Variants in CUBN observed in about 807,000 individuals in gnomAD.
The protein encoded by CUBN is cubilin.
In CUBN, 282 loss-of-function variants were observed where a neutral mutation model predicts 405.3. The ratio of observed to expected loss-of-function variants is 0.70; its 90% CI spans 0.63 to 0.77. The LOEUF (loss-of-function observed/expected upper bound fraction) is 0.77. Among genes scored for constraint, CUBN ranks in the 30% least tolerant of loss-of-function variants. The pLI is 0.00. For missense variants in CUBN, 4,514 were observed against 4,475.2 expected, an observed-to-expected ratio of 1.01 and a Z score of -0.25; for synonymous variants, 1,684 against 1,617.0, an observed-to-expected ratio of 1.04 and a Z score of -0.99.
At chr10:17,010,485 A>AT (rs1260954960) in intron 28 of CUBN, among the ~76,000 whole-genome samples, 1 of 151,806 alleles carries the variant, frequency 6.6e-6, no homozygotes, top group Non-Finnish European at 1.5e-5. Context: ...TACTAAAAAA[A>AT]AAAAAATGCC....
chr10:16,828,676 C>G lies in CUBN; in HGVS notation c.10764+129G>C, dbSNP rs112783364. 9.6e-3 allele frequency: 7,125 copies of G among 745,958 alleles called. 327 individuals are homozygous for G. In the African/African-American group the frequency reaches 0.11, roughly 11 times the overall value. The allele number at this position is 745,958 out of a possible 1,614,324, so 46.2% of individuals were successfully genotyped here. A position where few individuals can be genotyped will look rare whatever the true frequency, so the allele number is the denominator to read the frequency against. The stretch of plus-strand genomic sequence containing the variant: ...GAGGTTGCAGTGAGTTGAGATTGCG[C>G]GCACCACTGCACTCCAGCCTGGGTG... On this transcript the variant is annotated intron_variant, in intron 66 of 66. Transcript: ENST00000377833.
intron 27 of CUBN, among the ~76,000 whole-genome samples, chr10:17,034,949 A>G (rs963784724): frequency 6.6e-6 from 1 of 152,136 alleles, no homozygotes; most frequent in Non-Finnish European, 1.5e-5. Flanking sequence ...GTGGTTGTTA[A>G]TATGGAAGTC....
In CUBN at chr10:16,828,976, G is replaced by T; in HGVS notation, c.10593C>A (p.Tyr3531Ter). Residue 3531 changes from tyrosine to a stop codon, truncating the protein, a stop_gained, in exon 66 of 67, where the codon TAC (tyrosine) becomes TAA (stop). Transcript: ENST00000377833. LOFTEE classifies it high-confidence loss of function. ...CCCACTCGCAGTACGTGTTGTTTGG[G>T]TATGTGCCTGGATAGCCGGGGCTGG... is the stretch of plus-strand genomic sequence containing the variant. Reference protein sequence around the residue: ...SFTSPGYPGTYPNNTYCEWVL... With the variant: ...SFTSPGYPGT 1 of 1,614,144 alleles carries T rather than the reference G, an allele frequency of 6.2e-7. No homozygotes were observed. The highest frequency in any genetic ancestry group is 8.5e-7 in the Non-Finnish European group (1 of 1,180,028).
chr10:17,068,286 G>A lies in CUBN; in HGVS notation c.2792-6C>T, dbSNP rs185269080. 1.9e-6 allele frequency: 3 copies of A among 1,613,116 alleles called. No individual in the cohort carries two copies. The highest frequency in any genetic ancestry group is 2.5e-6 in the Non-Finnish European group (3 of 1,179,316). ...TGTAAGAATTTCTCCACATGCTGTT[G>A]AAATAAAAATTATAATTACTGCAGC... On this transcript the variant is annotated splice_polypyrimidine_tract_variant and splice_region_variant and intron_variant, in intron 20 of 66. Transcript: ENST00000377833.
At chr10:17,045,417 C>A (rs1017333466) in intron 24 of CUBN, among the ~76,000 whole-genome samples, 1 of 147,562 alleles carries the variant, frequency 6.8e-6, no homozygotes, top group Non-Finnish European at 1.5e-5. Context: ...TGGAATGCAA[C>A]GGCATGATCT....
At chr10:16,848,690 C>CTTTTTTTTTTTTTTTTTTTTTTT (rs10562297) in intron 60 of CUBN, among the ~76,000 whole-genome samples, 1 of 53,338 alleles carries the variant, frequency 1.9e-5, no homozygotes, top group African/African-American at 5.9e-5. Flanking sequence ...CTCTCCCAGC[C>CTTTTTTTTTTTTTTTTTTTTTTT]TTTTTTTTTT....
At position 16,840,392 on chromosome 10, in the gene CUBN, C is replaced by A. The variant is rs774965250; in HGVS notation, c.9970G>T (p.Ala3324Ser). 6.2e-7 allele frequency: 1 copy of A among 1,613,970 alleles called. No individual in the cohort carries two copies. The highest frequency in any genetic ancestry group is 8.5e-7 in the Non-Finnish European group (1 of 1,180,014). ...CAGTCTTGCGAGGTCAGCTGTAATG[C>A]CCACACAGTTATCTTGACCTGCTGA... ...PHQQVKITVW[A>S]LQLTSQDCTQ... The change falls in exon 62 of 67, where the codon GCA (alanine) becomes TCA (serine). Residue 3324 changes from alanine (A) to serine (S), a missense_variant. Physicochemically the swap from Ala to Ser is moderately conservative, Grantham distance 99. This residue lies in a region of CUBN where 1,186 missense variants were observed against 1,186.9 expected (regional missense o/e 1.00). Coordinates refer to ENST00000377833, the MANE Select transcript of CUBN (RefSeq NM_001081.4).
chr10:16,898,454 T>C (rs1031261472), intron 54 of CUBN, among the ~76,000 whole-genome samples: 3 of 152,132 alleles, frequency 2.0e-5, no homozygotes, highest in Non-Finnish European at 4.4e-5. Context: ...AGGCACTCTT[T>C]CTCTAAAAGT....
At chr10:16,995,579 C>A (rs2131727625) in intron 28 of CUBN, among the ~76,000 whole-genome samples, 1 of 152,184 alleles carries the variant, frequency 6.6e-6, no homozygotes, top group East Asian at 1.9e-4. Flanking sequence ...AGTGATCCAC[C>A]TTTCCCTCCC....
At chr10:16,928,073 A>T in intron 41 of CUBN, 84 bp downstream of exon 41, 1 of 1,511,406 alleles carries the variant, frequency 6.6e-7, no homozygotes, top group Non-Finnish European at 9.1e-7. Flanking sequence ...GGTGCCCAAA[A>T]ACATTATATT....
Position 17,085,692 on chromosome 10 carries a change from G to C in CUBN, c.2015C>G (p.Pro672Arg), listed in dbSNP as rs776433038. Residue 672 changes from proline to arginine, a missense_variant, in exon 16 of 67, where the codon CCG (proline) becomes CGG (arginine). Around this residue, in one of 5 missense-constraint regions of CUBN, gnomAD observed 1,448 missense variants for 1,388.0 expected, o/e 1.04. Coordinates refer to ENST00000377833, the MANE Select transcript of CUBN (RefSeq NM_001081.4). The stretch of plus-strand genomic sequence containing the variant: ...GGCAAAGGGGCCAGTAGTCTGGAGC[G>C]GTGGGACAGAGAAAGTGGTGCAGAA... ...GKFCTTFSVP[P>R]LQTTGPFARI... is the part of the protein sequence containing the mutation. 6.2e-7 allele frequency: 1 copy of C among 1,613,914 alleles called. No individual in the cohort carries two copies. Among genetic ancestry groups the C allele is most frequent in the Admixed American group, 1.7e-5 (1 of 60,016 alleles).
chr10:16,871,139 T>G (rs529871377), intron 58 of CUBN, among the ~76,000 whole-genome samples: 14 of 152,120 alleles, frequency 9.2e-5, no homozygotes, highest in African/African-American at 3.1e-4. Context: ...GTGATTCTCT[T>G]GCCTCACCCT....
At chr10:16,995,748 T>C (rs1238004368) in intron 28 of CUBN, among the ~76,000 whole-genome samples, 1 of 152,196 alleles carries the variant, frequency 6.6e-6, no homozygotes, top group East Asian at 1.9e-4. Flanking sequence ...AGAAATTGGT[T>C]TTTCATTAAG....
chr10:17,020,093 A>G (rs1171872642), intron 27 of CUBN, 110 bp from the exon 28 acceptor site: 4 of 1,201,526 alleles, frequency 3.3e-6, no homozygotes, highest in Non-Finnish European at 4.9e-6. Flanking sequence ...AGTTAGAGGT[A>G]AATCTGCTGA....
At chr10:16,905,202 C>T (rs1000966352) in intron 50 of CUBN, among the ~76,000 whole-genome samples, 3 of 152,150 alleles carry the variant, frequency 2.0e-5, no homozygotes, top group Non-Finnish European at 4.4e-5. Flanking sequence ...ATATTATTGT[C>T]TTCCTCTATC....
chr10:16,889,255 G>T (rs552364562), intron 55 of CUBN, among the ~76,000 whole-genome samples: 3,826 of 152,136 alleles, frequency 0.025, 69 homozygotes, highest in Non-Finnish European at 0.04. Context: ...CTTACACAGT[G>T]AACCACCTGC....
At chr10:16,930,320 A>G (rs1294980566) in intron 40 of CUBN, among the ~76,000 whole-genome samples, 2 of 152,182 alleles carry the variant, frequency 1.3e-5, no homozygotes, top group Admixed American at 6.5e-5. Flanking sequence ...TCACAGTGAC[A>G]CTATTAGGTG....
chr10:17,063,952 T>C (rs995508675), intron 22 of CUBN, among the ~76,000 whole-genome samples: 1 of 152,198 alleles, frequency 6.6e-6, no homozygotes. Context: ...TAATATTCAG[T>C]GTGCTTTGGG....
chr10:16,859,415 C>G (rs1186542836), intron 59 of CUBN, among the ~76,000 whole-genome samples: 1 of 152,116 alleles, frequency 6.6e-6, no homozygotes, highest in Admixed American at 6.5e-5. Context: ...TATTAATACA[C>G]ACCTACCAGA....
Sources: allele counts gnomAD v4.1 joint callset (sites outside exome capture counted in the v4.1 genomes callset), GRCh38; gene constraint gnomAD v4.1.1; regional missense constraint gnomAD v4.1.1; transcripts MANE v1.5; gene names NCBI Gene and HGNC (gene_info 2026-07-23, HGNC 2026-07-21).